TENM1: variants seen among roughly 807,000 people sequenced by gnomAD.
The protein encoded by TENM1 is teneurin transmembrane protein 1.
Under a neutral mutation model 174.8 loss-of-function variants are expected in TENM1, and 35 were observed. The ratio of observed to expected loss-of-function variants is 0.20; its 90% CI spans 0.15 to 0.27. The LOEUF (loss-of-function observed/expected upper bound fraction) is 0.27. Among genes scored for constraint, TENM1 ranks in the 10% least tolerant of loss-of-function variants. The pLI is 1.00. For synonymous variants in TENM1, 781 were observed against 798.7 expected (o/e 0.98, Z 0.37); for missense variants, 1,633 against 2,130.1 (o/e 0.77, Z 4.59).
chrX:124,675,435 T>C (rs765503376), intron 5 of TENM1, among the ~76,000 whole-genome samples: 2 of 111,129 alleles, frequency 1.8e-5, no homozygotes, highest in African/African-American at 6.5e-5. Context: ...GCTATGTGTT[T>C]AGAGCCACAC....
At chrX:124,471,052 T>C (rs975816584) in intron 22 of TENM1, among the ~76,000 whole-genome samples, 1 of 98,594 alleles carries the variant, frequency 1.0e-5, no homozygotes, top group Non-Finnish European at 2.0e-5. Flanking sequence ...TGCCCTTATA[T>C]AGCAATTATC....
chrX:124,933,801 C>T (rs1035702107), intron 1 of TENM1, among the ~76,000 whole-genome samples: 5 of 111,690 alleles, frequency 4.5e-5, no homozygotes, highest in Non-Finnish European at 9.4e-5. Flanking sequence ...TTTGGCCACA[C>T]TTTATTTACC....
chrX:124,472,558 TTACTC>T (rs771447519), intron 22 of TENM1, among the ~76,000 whole-genome samples: 1 of 110,531 alleles, frequency 9.0e-6, no homozygotes, highest in African/African-American at 3.3e-5. Flanking sequence ...ATGAACTTCT[TTACTC>T]TATTTCCAGC....
At chrX:124,398,807 A>G (rs1170998345) in intron 27 of TENM1, among the ~76,000 whole-genome samples, 1 of 110,527 alleles carries the variant, frequency 9.0e-6, no homozygotes, top group Non-Finnish European at 1.9e-5. Context: ...CACCCCCAAA[A>G]CTTCTCATTT....
At chrX:124,855,875 C>T (rs2056806553) in intron 3 of TENM1, among the ~76,000 whole-genome samples, 1 of 111,130 alleles carries the variant, frequency 9.0e-6, no homozygotes, top group Non-Finnish European at 1.9e-5. Context: ...TAGGAAGATA[C>T]TTTGGAGGAG....
chrX:125,155,505 TC>T, the TENM1 span, among the ~76,000 whole-genome samples: 1 of 107,971 alleles, frequency 9.3e-6, no homozygotes, highest in African/African-American at 3.4e-5. Flanking sequence ...GGGACTGGGC[TC>T]CGTGGAGCAG....
intron 6 of TENM1, among the ~76,000 whole-genome samples, chrX:124,664,403 T>C (rs1425804976): frequency 9.1e-6 from 1 of 109,986 alleles, no homozygotes; most frequent in Non-Finnish European, 1.9e-5. Flanking sequence ...AATCTTTATC[T>C]ACTGATTGGG....
At chrX:125,000,932 G>T in the TENM1 span, among the ~76,000 whole-genome samples, 1 of 108,366 alleles carries the variant, frequency 9.2e-6, no homozygotes, top group African/African-American at 3.3e-5. Context: ...AGCCTCCTTT[G>T]TTTTTTTTTC....
chrX:125,179,244 T>C, the TENM1 span, among the ~76,000 whole-genome samples: 1 of 110,173 alleles, frequency 9.1e-6, no homozygotes, highest in Admixed American at 9.7e-5. Context: ...TAAATGGGGG[T>C]GGACTGGGAG....
At position 124,481,713 on chromosome X, in the gene TENM1, T is replaced by TATA. The variant is rs67614153; in HGVS notation, c.3949+18_3949+19insTAT. 1,424 of 204,693 alleles carry TATA rather than the reference T, an allele frequency of 7.0e-3. 20 individuals carry two copies. The African/African-American group carries it at 0.088, about 13-fold the overall frequency. The allele number at this position is 204,693 out of a possible 1,213,427, so 16.9% of individuals were successfully genotyped here. A position where few individuals can be genotyped will look rare whatever the true frequency, so the allele number is the denominator to read the frequency against. ...CCCAAGGGTATATATATATATATAT[T>TATA]TATTTATTTATTTTTTACCTCGAGG... On this transcript the variant is annotated intron_variant, in intron 22 of 31. Transcript: ENST00000422452.
intron 4 of TENM1, among the ~76,000 whole-genome samples, chrX:124,709,027 T>C (rs994758022): frequency 9.0e-6 from 1 of 111,618 alleles, no homozygotes; most frequent in Non-Finnish European, 1.9e-5. Context: ...ATTATCCTAA[T>C]CTTCTAGATG....
At chrX:124,514,819 TGAG>T (rs1234683489) in intron 18 of TENM1, among the ~76,000 whole-genome samples, 1 of 110,688 alleles carries the variant, frequency 9.0e-6, no homozygotes, top group East Asian at 2.8e-4. Context: ...TCCAAAAAAT[TGAG>T]GAGGGAATCC....
intron 3 of TENM1, among the ~76,000 whole-genome samples, chrX:124,783,541 T>C (rs2054965964): frequency 9.0e-6 from 1 of 111,140 alleles, no homozygotes; most frequent in African/African-American, 3.3e-5. Context: ...GAGAAGGGTA[T>C]AGTTTAGTAA....
chrX:124,907,625 G>A (rs2057770705), intron 1 of TENM1, among the ~76,000 whole-genome samples: 2 of 111,491 alleles, frequency 1.8e-5, no homozygotes, highest in Non-Finnish European at 3.8e-5. Context: ...TTAACTCAGC[G>A]CAAATGAAGC....
chrX:124,462,732 C>T (rs1184988516), intron 22 of TENM1, among the ~76,000 whole-genome samples: 1 of 111,604 alleles, frequency 9.0e-6, no homozygotes, highest in African/African-American at 3.3e-5. Context: ...TCAAATAATT[C>T]AGTACACTTG....
At chrX:125,081,491 TAC>T in the TENM1 span, among the ~76,000 whole-genome samples, 3 of 111,111 alleles carry the variant, frequency 2.7e-5, no homozygotes, top group African/African-American at 9.8e-5. Context: ...CATCACTGCT[TAC>T]ACAGTTACTA....
chrX:124,886,542 TATATATAGAGAGAGAGAG>T (rs2057389389), intron 3 of TENM1, among the ~76,000 whole-genome samples: 2 of 88,658 alleles, frequency 2.3e-5, no homozygotes, highest in African/African-American at 9.0e-5. Flanking sequence ...TATATATATA[TATATATAGAGAGAGAGAG>T]AGAGAGAGAG....
chrX:125,021,218 A>ATT, the TENM1 span, among the ~76,000 whole-genome samples: 1,828 of 96,346 alleles, frequency 0.019, 155 homozygotes, highest in Admixed American at 0.19. Flanking sequence ...ATTAAAGACA[A>ATT]TTTTTTTTTT....
chrX:124,697,592 A>C (rs1201842930), intron 5 of TENM1, among the ~76,000 whole-genome samples: 1 of 111,123 alleles, frequency 9.0e-6, no homozygotes, highest in Non-Finnish European at 1.9e-5. Flanking sequence ...AAATTACTGA[A>C]GATGCCAAAG....
Sources: allele counts gnomAD v4.1 joint callset (sites outside exome capture counted in the v4.1 genomes callset), GRCh38; gene constraint gnomAD v4.1.1; transcripts MANE v1.5; gene names NCBI Gene and HGNC (gene_info 2026-07-23, HGNC 2026-07-21).